The following PTPN11 variants were observed in gnomAD, a reference collection of about 807,000 sequenced individuals.
PTPN11 encodes the protein tyrosine-protein phosphatase non-receptor type 11.
In PTPN11, 6 loss-of-function variants were observed where a neutral mutation model predicts 78.8. That is an observed-to-expected ratio of 0.08 (90% CI 0.04 to 0.15). The LOEUF (loss-of-function observed/expected upper bound fraction) is 0.15, where lower values mean the gene tolerates loss of function less well. PTPN11 is among the 10% of genes least tolerant of loss of function. The probability of loss-of-function intolerance (pLI) is 1.00; values close to 1 mark genes in which losing one functional copy is unlikely to be tolerated. For missense variants in PTPN11, 386 were observed against 744.8 expected (o/e 0.52, Z 5.61); for synonymous variants, 221 against 263.5 (o/e 0.84, Z 1.56).
chr12:112,457,295 C>A, intron 6 of PTPN11: 1 of 362,304 alleles, frequency 2.8e-6, no homozygotes, highest in South Asian at 2.0e-5. Context: ...TGTTAGTTTG[C>A]TGAGAATGAT....
At chr12:112,464,808 T>C (rs1199632830) in intron 6 of PTPN11, among the ~76,000 whole-genome samples, 1 of 152,170 alleles carries the variant, frequency 6.6e-6, no homozygotes, top group African/African-American at 2.4e-5. Context: ...ACTGTTGTAG[T>C]GCACTGCAGC....
At position 112,490,304 on chromosome 12, in the gene PTPN11, C is replaced by CT. The variant is rs1258631865; in HGVS notation, c.1599+1148dup. On this transcript the variant is annotated intron_variant, in intron 13 of 15. Transcript: ENST00000351677. ...CAAGTTGGAGCATGTTCAGGGATGT[C>CT]TTTTTTTTTTTTTTTTTTTGAGAGA... Among the ~76,000 whole-genome samples, 7,283 of 128,660 alleles carry CT rather than the reference C, an allele frequency of 0.057. 1,026 individuals carry two copies. The East Asian group carries it at 0.6, about 11-fold the overall frequency. The allele number at this position is 128,660 out of a possible 152,430, so 84.4% of individuals were successfully genotyped here. A position where few individuals can be genotyped will look rare whatever the true frequency, so the allele number is the denominator to read the frequency against.
chr12:112,462,598 A>G (rs2038265261), intron 6 of PTPN11, among the ~76,000 whole-genome samples: 2 of 152,232 alleles, frequency 1.3e-5, no homozygotes, highest in African/African-American at 4.8e-5. Context: ...TAGCCATAGT[A>G]TAAAAAGTTA....
chr12:112,448,546 T>C (rs2038028382), intron 2 of PTPN11, among the ~76,000 whole-genome samples: 1 of 152,148 alleles, frequency 6.6e-6, no homozygotes, highest in Non-Finnish European at 1.5e-5. Flanking sequence ...AATAAGCAAA[T>C]TAATATTTTT....
chr12:112,462,253 A>C (rs1198821057), intron 6 of PTPN11, among the ~76,000 whole-genome samples: 1 of 152,096 alleles, frequency 6.6e-6, no homozygotes, highest in Non-Finnish European at 1.5e-5. Context: ...CCAGCTATTG[A>C]GAGGCTGTGG....
intron 1 of PTPN11, among the ~76,000 whole-genome samples, chr12:112,430,472 AG>A: frequency 6.6e-6 from 1 of 152,302 alleles, no homozygotes; most frequent in East Asian, 1.9e-4. Flanking sequence ...TCTGTCACCC[AG>A]GCTGGAGTGT....
chr12:112,490,999 C>T (rs1353460647), intron 13 of PTPN11, among the ~76,000 whole-genome samples: 1 of 151,918 alleles, frequency 6.6e-6, no homozygotes, highest in East Asian at 1.9e-4. Flanking sequence ...AAAATACAGT[C>T]ATTTCTAAAA....
intron 1 of PTPN11, among the ~76,000 whole-genome samples, chr12:112,433,596 A>G (rs544384745): frequency 1.3e-5 from 2 of 152,358 alleles, no homozygotes; most frequent in Admixed American, 6.5e-5. Context: ...TAAATGTCCT[A>G]TAAGAAGGGT....
At chr12:112,441,745 A>G (rs948850742) in intron 1 of PTPN11, among the ~76,000 whole-genome samples, 3 of 152,038 alleles carry the variant, frequency 2.0e-5, no homozygotes, top group Admixed American at 1.3e-4. Context: ...TACTGTTACC[A>G]TGAATCTCAA....
intron 9 of PTPN11, among the ~76,000 whole-genome samples, chr12:112,480,672 T>G (rs971648151): frequency 1.3e-5 from 2 of 152,236 alleles, no homozygotes; most frequent in African/African-American, 4.8e-5. Context: ...GACCACATCC[T>G]TTTATTGAAC....
intron 12 of PTPN11, among the ~76,000 whole-genome samples, chr12:112,488,741 T>C (rs747886369): frequency 1.3e-5 from 2 of 152,208 alleles, no homozygotes; most frequent in African/African-American, 4.8e-5. Context: ...TTTTGTTGCA[T>C]ACACAGTGGT....
chr12:112,490,080 A>G (rs950874478), intron 13 of PTPN11, among the ~76,000 whole-genome samples: 4 of 152,216 alleles, frequency 2.6e-5, no homozygotes, highest in African/African-American at 9.6e-5. Flanking sequence ...CAGTGTATGT[A>G]TAGAAATGTA....
chr12:112,480,196 G>A (rs1008832969), intron 9 of PTPN11, among the ~76,000 whole-genome samples: 4 of 152,070 alleles, frequency 2.6e-5, no homozygotes, highest in East Asian at 3.9e-4. Flanking sequence ...GTGACTGGGA[G>A]CAGTCCTCAG....
At chr12:112,501,556 C>G (rs1434711490) in intron 13 of PTPN11, among the ~76,000 whole-genome samples, 3 of 152,136 alleles carry the variant, frequency 2.0e-5, no homozygotes, top group Non-Finnish European at 4.4e-5. Flanking sequence ...ACCCCAGAGG[C>G]GGGGGTTGCA....
chr12:112,438,329 G>C (rs1212513460), intron 1 of PTPN11, among the ~76,000 whole-genome samples: 3 of 151,968 alleles, frequency 2.0e-5, no homozygotes, highest in Non-Finnish European at 2.9e-5. Context: ...GTTTTCTTGT[G>C]TGTGTTTCTT....
chr12:112,466,508 C>T (rs191321798), intron 6 of PTPN11, among the ~76,000 whole-genome samples: 160 of 152,168 alleles, frequency 1.1e-3, no homozygotes, highest in African/African-American at 3.8e-3. Context: ...CAGAACCAGA[C>T]CTCGGGCTAA....
chr12:112,466,721 A>T (rs541073125), intron 6 of PTPN11, among the ~76,000 whole-genome samples: 12 of 152,262 alleles, frequency 7.9e-5, no homozygotes, highest in African/African-American at 2.9e-4. Flanking sequence ...AAATTTAAGA[A>T]AGAAAAAAAA....
intron 1 of PTPN11, among the ~76,000 whole-genome samples, chr12:112,441,651 A>G (rs1207455609): frequency 6.6e-6 from 1 of 152,230 alleles, no homozygotes; most frequent in East Asian, 1.9e-4. Context: ...CTAGAACTCT[A>G]CATTTAATAT....
chr12:112,473,072 A>G, intron 7 of PTPN11, 32 bp downstream of exon 7: 2 of 1,519,142 alleles, frequency 1.3e-6, no homozygotes, highest in Non-Finnish European at 1.8e-6. Context: ...AGTAATAGTC[A>G]CTCTTGGAGA....
Sources: allele counts gnomAD v4.1 joint callset (sites outside exome capture counted in the v4.1 genomes callset), GRCh38; gene constraint gnomAD v4.1.1; transcripts MANE v1.5; gene names NCBI Gene and HGNC (gene_info 2026-07-23, HGNC 2026-07-21).